LRFN5: variants seen among roughly 807,000 people sequenced by gnomAD.
LRFN5 encodes the protein leucine rich repeat and fibronectin type III domain containing 5.
A neutral mutation model predicts 45.6 loss-of-function variants in LRFN5; 24 were observed. The observed-to-expected ratio is 0.53, with a 90% CI of 0.38 to 0.74. LRFN5 has a LOEUF of 0.74. Ranked by LOEUF, LRFN5 falls within the 30% of genes least tolerant of loss-of-function variation. LRFN5 has a pLI of 0.00. For missense variants in LRFN5, 776 were observed against 861.5 expected (o/e 0.90, Z 1.24); for synonymous variants, 340 against 313.8 (o/e 1.08, Z -0.88).
intron 1 of LRFN5, among the ~76,000 whole-genome samples, chr14:41,746,222 T>A (rs7145349): frequency 0.28 from 42,241 of 151,786 alleles, 6,161 homozygotes; most frequent in South Asian, 0.43. Flanking sequence ...TTCACTGTAA[T>A]ATACCACATA....
chr14:41,709,245 T>C (rs1883190137), intron 1 of LRFN5, among the ~76,000 whole-genome samples: 2 of 152,012 alleles, frequency 1.3e-5, no homozygotes, highest in African/African-American at 4.8e-5. Context: ...AATATCAATA[T>C]GCTGAAATTA....
At chr14:41,653,657 TGA>T (rs1461274004) in intron 1 of LRFN5, among the ~76,000 whole-genome samples, 3 of 152,140 alleles carry the variant, frequency 2.0e-5, no homozygotes, top group Admixed American at 6.6e-5. Flanking sequence ...ATTGAAAGTT[TGA>T]GGCAGGAGAG....
intron 2 of LRFN5, among the ~76,000 whole-genome samples, chr14:41,834,265 G>A (rs1269785953): frequency 1.3e-5 from 2 of 152,060 alleles, no homozygotes; most frequent in African/African-American, 2.4e-5. Flanking sequence ...AATATCTTTT[G>A]CAAAGTGTTC....
At chr14:41,686,400 T>A (rs1017759095) in intron 1 of LRFN5, among the ~76,000 whole-genome samples, 12 of 152,088 alleles carry the variant, frequency 7.9e-5, no homozygotes, top group Non-Finnish European at 1.3e-4. Flanking sequence ...TATAAAATAT[T>A]GTAATCTGCA....
chr14:41,757,298 A>G (rs1885442580), intron 1 of LRFN5, among the ~76,000 whole-genome samples: 1 of 152,216 alleles, frequency 6.6e-6, no homozygotes, highest in Non-Finnish European at 1.5e-5. Flanking sequence ...AGACAGGGAC[A>G]TTTAAGTCTG....
chr14:41,651,425 A>G (rs1292878318), intron 1 of LRFN5, among the ~76,000 whole-genome samples: 1 of 152,162 alleles, frequency 6.6e-6, no homozygotes, highest in Admixed American at 6.6e-5. Flanking sequence ...TGGAAAAACA[A>G]GATTAAATTT....
At chr14:41,731,701 A>G (rs1326192500) in intron 1 of LRFN5, 2 of 152,174 alleles carry the variant, frequency 1.3e-5, no homozygotes, top group East Asian at 3.9e-4. Flanking sequence ...TCAGCCAGAA[A>G]AATATTTGAA....
At chr14:41,811,390 A>G (rs527304623) in intron 2 of LRFN5, among the ~76,000 whole-genome samples, 39 of 152,214 alleles carry the variant, frequency 2.6e-4, no homozygotes, top group Non-Finnish European at 5.0e-4. Flanking sequence ...ATATATGACT[A>G]GATATGACCC....
chr14:41,785,344 CTTCTT>C lies in LRFN5; in HGVS notation c.-21+18321_-21+18325del, dbSNP rs146816878. On this transcript the variant is annotated intron_variant, in intron 2 of 5. Transcript: ENST00000298119. Reference sequence around the variant, plus strand: ...CCCTATATCTTTGGTTCATTTTTCTCTTCTTTTCTTGCCTTCTTTGAAAATAATTT... The same window carrying C: ...CCCTATATCTTTGGTTCATTTTTCTCTTCTTGCCTTCTTTGAAAATAATTT... 1.2e-4 allele frequency among the ~76,000 whole-genome samples: 19 copies of C among 152,080 alleles called. No homozygotes were observed. The South Asian group carries it at 2.7e-3, about 22-fold the overall frequency.
chr14:41,878,153 A>G (rs1376528368), intron 2 of LRFN5, among the ~76,000 whole-genome samples: 1 of 152,192 alleles, frequency 6.6e-6, no homozygotes, highest in African/African-American at 2.4e-5. Context: ...TAAAACTATT[A>G]AAGGCATTTC....
chr14:41,801,685 A>T (rs12436801), intron 2 of LRFN5, among the ~76,000 whole-genome samples: 2,878 of 152,294 alleles, frequency 0.019, 33 homozygotes, highest in Non-Finnish European at 0.029. Context: ...CTGAAGCACC[A>T]CACAGAGTGT....
intron 1 of LRFN5, chr14:41,733,451 A>G (rs1221405853): frequency 6.6e-6 from 1 of 152,168 alleles, no homozygotes; most frequent in Admixed American, 6.5e-5. Context: ...CCTGTATTTA[A>G]CAAAACTTGT....
intron 2 of LRFN5, among the ~76,000 whole-genome samples, chr14:41,848,373 G>A (rs1451720844): frequency 2.0e-5 from 3 of 151,928 alleles, no homozygotes; most frequent in African/African-American, 7.2e-5. Context: ...AAACCTAACA[G>A]GAAAAAGAAA....
intron 2 of LRFN5, among the ~76,000 whole-genome samples, chr14:41,806,149 T>C (rs1396569599): frequency 6.6e-6 from 1 of 152,204 alleles, no homozygotes; most frequent in African/African-American, 2.4e-5. Flanking sequence ...GGGTCAGGAT[T>C]AGACGTTCAG....
intron 1 of LRFN5, among the ~76,000 whole-genome samples, chr14:41,651,753 A>G (rs1880136255): frequency 6.6e-6 from 1 of 152,206 alleles, no homozygotes; most frequent in Non-Finnish European, 1.5e-5. Flanking sequence ...AGCTATTTTC[A>G]TTTGCCAGAG....
At chr14:41,692,861 A>C (rs1297389970) in intron 1 of LRFN5, among the ~76,000 whole-genome samples, 2 of 152,006 alleles carry the variant, frequency 1.3e-5, no homozygotes, top group African/African-American at 4.8e-5. Flanking sequence ...AATCATTATC[A>C]TTGTAGCTTT....
chr14:41,673,577 C>A (rs563856532), intron 1 of LRFN5, among the ~76,000 whole-genome samples: 2 of 143,572 alleles, frequency 1.4e-5, no homozygotes, highest in Non-Finnish European at 3.1e-5. Context: ...AGGGGGTGAC[C>A]CCCCCCACCT....
At chr14:41,623,164 T>G (rs569420992) in intron 1 of LRFN5, among the ~76,000 whole-genome samples, 31 of 152,208 alleles carry the variant, frequency 2.0e-4, no homozygotes, top group African/African-American at 7.0e-4. Context: ...ACCACAGCAT[T>G]TCTACAGTCA....
intron 2 of LRFN5, among the ~76,000 whole-genome samples, chr14:41,841,993 T>C (rs1460044780): frequency 6.6e-6 from 1 of 152,002 alleles, no homozygotes; most frequent in African/African-American, 2.4e-5. Context: ...ATGTGGATGG[T>C]GGAAATGCTG....
Sources: allele counts gnomAD v4.1 joint callset (sites outside exome capture counted in the v4.1 genomes callset), GRCh38; gene constraint gnomAD v4.1.1; transcripts MANE v1.5; gene names NCBI Gene and HGNC (gene_info 2026-07-23, HGNC 2026-07-21).